Variants in RYR3 observed in about 807,000 individuals in gnomAD.
The protein encoded by RYR3 is ryanodine receptor 3.
A neutral mutation model predicts 584.3 loss-of-function variants in RYR3; 207 were observed. The ratio of observed to expected loss-of-function variants is 0.35; its 90% CI spans 0.32 to 0.40. The LOEUF (loss-of-function observed/expected upper bound fraction) is 0.40. RYR3 is among the 10% of genes least tolerant of loss of function. The probability of loss-of-function intolerance (pLI) is 1.00; values close to 1 mark genes in which losing one functional copy is unlikely to be tolerated. For synonymous variants in RYR3, 2,416 were observed against 2,248.5 expected (o/e 1.07, Z -2.11); for missense variants, 5,616 against 6,089.2 (o/e 0.92, Z 2.59).
intron 1 of RYR3, among the ~76,000 whole-genome samples, chr15:33,330,824 C>CTTAGAA (rs1187216138): frequency 6.6e-6 from 1 of 152,130 alleles, no homozygotes; most frequent in African/African-American, 2.4e-5. Flanking sequence ...TAGCATTAAA[C>CTTAGAA]TTAGAACTTA....
chr15:33,391,149 C>T (rs545619956), intron 1 of RYR3, among the ~76,000 whole-genome samples: 1 of 152,276 alleles, frequency 6.6e-6, no homozygotes, highest in African/African-American at 2.4e-5. Context: ...TCCAGCCCCA[C>T]CACTCTGCTT....
rs2070669287 is a variant in RYR3, at chr15:33,746,008, G to T, written c.7900-60G>T. The T allele has an allele frequency of 2.5e-5, 26 of 1,053,428 alleles. No individual in the cohort carries two copies. The South Asian group carries it at 3.4e-4, about 14-fold the overall frequency. The allele number at this position is 1,053,428 out of a possible 1,614,324, so 65.3% of individuals were successfully genotyped here. A position where few individuals can be genotyped will look rare whatever the true frequency, so the allele number is the denominator to read the frequency against. ...TCCATGAAAATAGAAGCAGGGATTTGGGTCACATAGCGGGGTTCTTTGCGT... is the reference window on the plus strand; with the variant it reads ...TCCATGAAAATAGAAGCAGGGATTTTGGTCACATAGCGGGGTTCTTTGCGT... On this transcript the variant is annotated intron_variant, in intron 52 of 103. Transcript: ENST00000634891.
chr15:33,506,194 G>A (rs558492086), intron 3 of RYR3, among the ~76,000 whole-genome samples: 128 of 152,190 alleles, frequency 8.4e-4, no homozygotes, highest in Non-Finnish European at 1.6e-3. Context: ...ATGGAGGGAC[G>A]CACTTTAATA....
chr15:33,368,954 C>G (rs1223423004), intron 1 of RYR3, among the ~76,000 whole-genome samples: 1 of 152,176 alleles, frequency 6.6e-6, no homozygotes, highest in Non-Finnish European at 1.5e-5. Context: ...AGGGATGTTT[C>G]CCAAGATTAG....
At chr15:33,521,736 C>T (rs942758933) in intron 3 of RYR3, among the ~76,000 whole-genome samples, 1 of 152,160 alleles carries the variant, frequency 6.6e-6, no homozygotes, top group African/African-American at 2.4e-5. Flanking sequence ...AGCACAGCAG[C>T]AGACAGAGTG....
At chr15:33,356,635 GTTTAT>G (rs1383062189) in intron 1 of RYR3, among the ~76,000 whole-genome samples, 1 of 152,136 alleles carries the variant, frequency 6.6e-6, no homozygotes, top group East Asian at 1.9e-4. Context: ...CACATAATAT[GTTTAT>G]TTTGAGGATT....
chr15:33,581,168 A>C (rs581954), intron 13 of RYR3, among the ~76,000 whole-genome samples: 19,985 of 152,046 alleles, frequency 0.13, 1,433 homozygotes, highest in Middle Eastern at 0.29. Flanking sequence ...GGTGAGTCAG[A>C]ACCACTTCAC....
At chr15:33,372,629 T>C (rs2040425276) in intron 1 of RYR3, among the ~76,000 whole-genome samples, 1 of 152,090 alleles carries the variant, frequency 6.6e-6, no homozygotes, top group South Asian at 2.1e-4. Flanking sequence ...CCTCCCAAAG[T>C]GCTGGGATTA....
chr15:33,640,768 C>T (rs1487897867), intron 27 of RYR3, among the ~76,000 whole-genome samples: 1 of 152,176 alleles, frequency 6.6e-6, no homozygotes, highest in Non-Finnish European at 1.5e-5. Context: ...TACATCTTGG[C>T]CGAAGACTGT....
At chr15:33,499,954 G>A (rs142839131) in intron 2 of RYR3, among the ~76,000 whole-genome samples, 3 of 152,304 alleles carry the variant, frequency 2.0e-5, no homozygotes, top group African/African-American at 7.2e-5. Flanking sequence ...GAAGAAAGAC[G>A]TGTTGAATAA....
intron 67 of RYR3, among the ~76,000 whole-genome samples, chr15:33,799,100 T>C (rs577394606): frequency 6.6e-6 from 1 of 152,284 alleles, no homozygotes; most frequent in South Asian, 2.1e-4. Flanking sequence ...CACTGTGATA[T>C]TTCGATATAA....
intron 67 of RYR3, among the ~76,000 whole-genome samples, chr15:33,792,253 T>A (rs963857470): frequency 2.0e-5 from 3 of 152,180 alleles, no homozygotes; most frequent in African/African-American, 7.2e-5. Flanking sequence ...GGTGTGTGTC[T>A]CTGTTCTGAT....
At chr15:33,409,502 C>T (rs2043257074) in intron 1 of RYR3, among the ~76,000 whole-genome samples, 1 of 152,196 alleles carries the variant, frequency 6.6e-6, no homozygotes, top group South Asian at 2.1e-4. Flanking sequence ...ACCTCAGGCT[C>T]CACCTGGGTT....
intron 98 of RYR3, among the ~76,000 whole-genome samples, chr15:33,857,088 A>T (rs2079758261): frequency 1.3e-5 from 2 of 152,162 alleles, no homozygotes; most frequent in Non-Finnish European, 2.9e-5. Flanking sequence ...TTCAATACTT[A>T]AGTTCCTTTA....
intron 12 of RYR3, among the ~76,000 whole-genome samples, 196 bp downstream of exon 12, chr15:33,566,995 A>G (rs150301987): frequency 1.3e-5 from 2 of 152,352 alleles, no homozygotes; most frequent in East Asian, 3.9e-4. Context: ...CCCTTTGTTC[A>G]ACAGATGCCC....
intron 16 of RYR3, 94 bp from the exon 17 acceptor site, chr15:33,601,325 C>A (rs2152551355): frequency 3.8e-6 from 5 of 1,316,050 alleles, no homozygotes; most frequent in Middle Eastern, 2.6e-4. Flanking sequence ...CTAGCCCCCA[C>A]CCTTTATGGA....
chr15:33,567,577 C>T (rs1006435802), intron 12 of RYR3, among the ~76,000 whole-genome samples: 6 of 152,118 alleles, frequency 3.9e-5, no homozygotes, highest in African/African-American at 1.4e-4. Context: ...TCAGAGTAAA[C>T]TTGTACTTCT....
intron 1 of RYR3, among the ~76,000 whole-genome samples, chr15:33,328,373 C>T (rs976895664): frequency 6.6e-6 from 1 of 152,172 alleles, no homozygotes; most frequent in Non-Finnish European, 1.5e-5. Flanking sequence ...GTGTGCTTAA[C>T]TAAGTGGGCC....
chr15:33,493,928 G>A (rs1477049389), intron 2 of RYR3, among the ~76,000 whole-genome samples: 1 of 150,744 alleles, frequency 6.6e-6, no homozygotes, highest in African/African-American at 2.5e-5. Context: ...AAATAATAAT[G>A]ATGATGATGA....
Sources: gnomAD v4.1 joint callset for allele counts (sites outside exome capture counted in the v4.1 genomes callset) on GRCh38, gnomAD v4.1.1 for gene constraint, MANE v1.5 for transcripts, NCBI Gene and HGNC (gene_info 2026-07-23, HGNC 2026-07-21) for gene names.